CFAP251: variants seen among roughly 807,000 people sequenced by gnomAD.
CFAP251 encodes the protein cilia and flagella associated protein 251, also known as cilia- and flagella-associated protein 251.
A neutral mutation model predicts 126.7 loss-of-function variants in CFAP251; 93 were observed. The observed-to-expected ratio is 0.73, with a 90% confidence interval of 0.62 to 0.87. The LOEUF (loss-of-function observed/expected upper bound fraction) is 0.87. Among genes scored for constraint, CFAP251 ranks in the 40% least tolerant of loss-of-function variants. CFAP251 has a pLI of 0.00. For synonymous variants in CFAP251, 503 were observed against 506.9 expected (o/e 0.99, Z 0.10); for missense variants, 1,287 against 1,389.2 (o/e 0.93, Z 1.17).
intron 1 of CFAP251, among the ~76,000 whole-genome samples, chr12:121,919,400 G>A (rs931404625): frequency 6.6e-6 from 1 of 152,226 alleles, no homozygotes; most frequent in Admixed American, 6.5e-5. Context: ...TGGAGAATAT[G>A]CCAGAAGGCT....
chr12:121,945,996 C>T (rs879586978), intron 7 of CFAP251, among the ~76,000 whole-genome samples: 1 of 152,176 alleles, frequency 6.6e-6, no homozygotes, highest in African/African-American at 2.4e-5. Context: ...TATTACATCA[C>T]TCCTGTACTT....
chr12:121,931,798 G>A lies in CFAP251; in HGVS notation c.800G>A (p.Arg267Gln), dbSNP rs947499425. The change falls in exon 4 of 22, where the codon CGA (arginine) becomes CAA (glutamine). Residue 267 changes from arginine (R) to glutamine (Q), a missense_variant. Transcript: ENST00000288912. ...WNSSLPVYYI[R>Q]EERQRVLLYV... ...AGTTCTCTTCCTGTTTACTATATTC[G>A]AGAGGAAAGGCAGAGAGTTCTTCTG... 6 of 1,604,046 alleles carry A rather than the reference G, an allele frequency of 3.7e-6. No individual in the cohort carries two copies. The highest frequency in any genetic ancestry group is 3.4e-6 in the Non-Finnish European group (4 of 1,175,950).
At chr12:121,961,512 A>G (rs1296020384) in intron 14 of CFAP251, among the ~76,000 whole-genome samples, 2 of 152,176 alleles carry the variant, frequency 1.3e-5, no homozygotes, top group Non-Finnish European at 2.9e-5. Flanking sequence ...GCTGAGATTT[A>G]GATATGAATT....
At chr12:121,946,122 T>G (rs1881318950) in intron 7 of CFAP251, among the ~76,000 whole-genome samples, 1 of 152,194 alleles carries the variant, frequency 6.6e-6, no homozygotes, top group Non-Finnish European at 1.5e-5. Flanking sequence ...CCATCCTGAT[T>G]ATTGTTTATC....
At chr12:121,920,842 C>T (rs1161463355) in intron 1 of CFAP251, among the ~76,000 whole-genome samples, 3 of 151,496 alleles carry the variant, frequency 2.0e-5, no homozygotes, top group Non-Finnish European at 4.4e-5. Flanking sequence ...AGAAATATGA[C>T]ATTCTTTTTT....
At position 121,967,051 on chromosome 12, in the gene CFAP251, G is replaced by C; in HGVS notation, c.2589G>C (p.Val863=). The C allele has an allele frequency of 6.2e-7, 1 of 1,614,172 alleles. No homozygotes were observed. The change falls in exon 16 of 22, where the codon GTG becomes GTC. Residue 863 remains valine (V), a synonymous_variant. Coordinates refer to ENST00000288912, the MANE Select transcript of CFAP251 (RefSeq NM_144668.6). ...CGGAGCTACAGAAACGCTACTTGGT[G>C]TTTATTAACAGAGACAAGGTAACAG... ...SMAELQKRYL[V]FINRDKVGLQ...
At chr12:121,933,240 G>A (rs1328269431) in intron 4 of CFAP251, 5 of 152,230 alleles carry the variant, frequency 3.3e-5, no homozygotes, top group African/African-American at 1.2e-4. Flanking sequence ...AGATTGAGTG[G>A]GCAGGGATTG....
At chr12:121,951,668 G>A in intron 9 of CFAP251, 138 bp downstream of exon 9, 2 of 576,364 alleles carry the variant, frequency 3.5e-6, no homozygotes, top group Non-Finnish European at 3.1e-6. Flanking sequence ...ATTTTACTTG[G>A]GTCCTGTATA....
intron 9 of CFAP251, among the ~76,000 whole-genome samples, chr12:121,952,375 G>C (rs1881563524): frequency 6.7e-6 from 1 of 149,600 alleles, no homozygotes; most frequent in African/African-American, 2.5e-5. Flanking sequence ...AGCTGTGTTT[G>C]TGCCACTGCA....
intron 19 of CFAP251, 28 bp from the exon 20 acceptor site, chr12:121,999,688 C>CTTTTTTTTTT: frequency 2.9e-6 from 4 of 1,375,506 alleles, no homozygotes; most frequent in Admixed American, 2.0e-5. Context: ...TTACTGTGGT[C>CTTTTTTTTTT]TTTTTTTTTT....
intron 11 of CFAP251, among the ~76,000 whole-genome samples, chr12:121,957,660 C>A (rs368759569): frequency 6.8e-6 from 1 of 146,994 alleles, no homozygotes; most frequent in African/African-American, 2.5e-5. Context: ...GCTGAGATAG[C>A]GCCACTCTAC....
chr12:121,999,941 A>G lies in CFAP251; in HGVS notation c.3232A>G (p.Lys1078Glu), dbSNP rs1318982417. Residue 1078 changes from lysine to glutamate, a missense_variant, in exon 20 of 22, where the codon AAA becomes GAA. Transcript: ENST00000288912. ...REDFLRLLVTKGEHMTEEEML... is the reference protein window; with the variant it reads ...REDFLRLLVTEGEHMTEEEML... ...GGACTTCCTGAGACTGCTCGTTACT[A>G]AAGGTAAGCACATACATCAGGATGT... 2 of 1,611,334 alleles carry G rather than the reference A, an allele frequency of 1.2e-6. No individual in the cohort carries two copies. Among genetic ancestry groups the G allele is most frequent in the South Asian group, 2.2e-5 (2 of 91,022 alleles).
intron 5 of CFAP251, among the ~76,000 whole-genome samples, chr12:121,936,310 G>A (rs1406072342): frequency 1.3e-5 from 2 of 152,134 alleles, no homozygotes; most frequent in Non-Finnish European, 2.9e-5. Context: ...AGCCACATGT[G>A]GTGGTGCATG....
intron 1 of CFAP251, 111 bp from the exon 2 acceptor site, chr12:121,921,175 A>G (rs754954814): frequency 3.3e-6 from 4 of 1,203,834 alleles, no homozygotes; most frequent in African/African-American, 1.5e-5. Context: ...TTTTATTCCT[A>G]TGGAAAGGGA....
At chr12:121,979,304 A>G (rs1269900112) in intron 19 of CFAP251, among the ~76,000 whole-genome samples, 1 of 152,212 alleles carries the variant, frequency 6.6e-6, no homozygotes, top group Non-Finnish European at 1.5e-5. Flanking sequence ...AAGTTCGTAC[A>G]GCCCACGTGG....
In CFAP251 at chr12:121,924,777, G is replaced by A. The variant is rs148518123; in HGVS notation, c.747+787G>A. The stretch of plus-strand genomic sequence containing the variant: ...CGGTTAAGAGCTCCGACTGGAACAC[G>A]TGTGACTGAACATGAACTTGAGAGC... On this transcript the variant is annotated intron_variant, in intron 3 of 21. Transcript: ENST00000288912. 5.3e-5 allele frequency among the ~76,000 whole-genome samples: 8 copies of A among 152,286 alleles called. No homozygotes were observed. In the East Asian group the frequency reaches 1.5e-3, roughly 29 times the overall value.
At position 121,957,250 on chromosome 12, in the gene CFAP251, G is replaced by A. The variant is rs1327765125; in HGVS notation, c.1712G>A (p.Gly571Asp). The A allele has an allele frequency of 9.3e-6, 15 of 1,610,270 alleles. No individual in the cohort carries two copies. Among genetic ancestry groups the A allele is most frequent in the Admixed American group, 1.7e-5 (1 of 58,786 alleles). Residue 571 changes from glycine (G) to aspartate (D), a missense_variant, in exon 11 of 22, where the codon GGT becomes GAT. Physicochemically the swap from Gly to Asp is moderately conservative, Grantham distance 94 (BLOSUM62 -1). Transcript: ENST00000288912. Reference protein sequence around the residue: ...SNYPPDCTLKGDLFVLRNFII... With the variant: ...SNYPPDCTLKDDLFVLRNFII... ...TATCCTCCTGACTGCACTTTAAAAG[G>A]TGACCTTTTTGTCTTAAGGTAAGTT...
chr12:121,942,619 G>A lies in CFAP251; in HGVS notation c.1084G>A (p.Ala362Thr). Residue 362 changes from alanine (A) to threonine (T), a missense_variant, in exon 6 of 22, where the codon GCA becomes ACA. Transcript: ENST00000288912. The part of the protein sequence containing the change: ...MAMTHDAKYL[A>T]TISDAEVQKV... ...CATGACCCACGACGCCAAGTATCTG[G>A]CAACCATCTCAGATGCTGAAGTCCA... is the stretch of plus-strand genomic sequence containing the variant. 2 of 1,613,024 alleles carry A rather than the reference G, an allele frequency of 1.2e-6. No homozygotes were observed. The highest frequency in any genetic ancestry group is 1.7e-6 in the Non-Finnish European group (2 of 1,179,968).
chr12:121,978,692 C>T (rs1882543019), intron 19 of CFAP251, among the ~76,000 whole-genome samples: 1 of 152,022 alleles, frequency 6.6e-6, no homozygotes, highest in Non-Finnish European at 1.5e-5. Context: ...TCGACATTCT[C>T]AGTAACTTGT....
Sources: gnomAD v4.1 joint callset for allele counts (sites outside exome capture counted in the v4.1 genomes callset) on GRCh38, gnomAD v4.1.1 for gene constraint, MANE v1.5 for transcripts, NCBI Gene and HGNC (gene_info 2026-07-23, HGNC 2026-07-21) for gene names.